The following KRAS variants were observed in gnomAD, a reference collection of about 807,000 sequenced individuals.
The protein encoded by KRAS is GTPase KRas.
KRAS carries 1 observed loss-of-function variant against 21.0 expected under a neutral mutation model. The observed-to-expected ratio is 0.05, with a 90% CI of 0.02 to 0.23. The LOEUF (loss-of-function observed/expected upper bound fraction) is 0.23. Ranked by LOEUF, KRAS falls within the 10% of genes least tolerant of loss-of-function variation. The pLI, the probability that KRAS is intolerant of heterozygous loss-of-function variation, is 1.00. For synonymous variants in KRAS, 67 were observed against 72.5 expected, an observed-to-expected ratio of 0.92 and a Z score of 0.39; for missense variants, 107 against 221.8, an observed-to-expected ratio of 0.48 and a Z score of 3.29.
At chr12:25,219,763 C>T (rs1332196678) in intron 4 of KRAS, among the ~76,000 whole-genome samples, 1 of 152,120 alleles carries the variant, frequency 6.6e-6, no homozygotes, top group Non-Finnish European at 1.5e-5. Context: ...TGGTGCACAG[C>T]AAGTGCACAG....
At chr12:25,231,882 T>C (rs776466516) in intron 2 of KRAS, among the ~76,000 whole-genome samples, 9 of 152,118 alleles carry the variant, frequency 5.9e-5, no homozygotes, top group African/African-American at 9.7e-5. Flanking sequence ...AAAGAATGGA[T>C]AAATATAAAG....
At position 25,225,676 on chromosome 12, in the gene KRAS, C is replaced by T. The variant is rs1463850736; in HGVS notation, c.388G>A (p.Ala130Thr). 1.4e-5 allele frequency: 22 copies of T among 1,613,098 alleles called. No homozygotes were observed. Among genetic ancestry groups the T allele is most frequent in the Non-Finnish European group, 1.9e-5 (22 of 1,179,550 alleles). The change falls in exon 4 of 5, where the codon GCT (alanine) becomes ACT (threonine). Residue 130 changes from alanine (A) to threonine (T), a missense_variant. This residue lies in a region of KRAS where 65 missense variants were observed against 82.3 expected (regional missense o/e 0.79). Transcript: ENST00000311936. ...CCATAACTTCTTGCTAAGTCCTGAGCCTGTTTTGTGTCTACTGTTCTAGAA... is the reference window on the plus strand; with the variant it reads ...CCATAACTTCTTGCTAAGTCCTGAGTCTGTTTTGTGTCTACTGTTCTAGAA... ...LPSRTVDTKQ[A>T]QDLARSYGIP...
chr12:25,208,998 A>T lies in KRAS; in HGVS notation c.*797T>A. On this transcript the variant is annotated 3_prime_UTR_variant, in exon 5 of 5. Transcript: ENST00000311936. ...TTTTTATACTTGTTAAAATCTTTTC[A>T]ATTATTATAAAAATTTAGTAGCATG... 1 of 353,410 alleles carries T rather than the reference A, an allele frequency of 2.8e-6. No individual in the cohort carries two copies. The highest frequency in any genetic ancestry group is 4.1e-5 in the East Asian group (1 of 24,616). The allele number at this position is 353,410 out of a possible 1,614,324, so 21.9% of individuals were successfully genotyped here. A position where few individuals can be genotyped will look rare whatever the true frequency, so the allele number is the denominator to read the frequency against.
Position 25,209,921 on chromosome 12 carries a change from A to G in KRAS, c.451-10T>C, listed in dbSNP as rs876657481. On this transcript the variant is annotated splice_polypyrimidine_tract_variant and intron_variant, in intron 4 of 4. Coordinates refer to ENST00000311936, the MANE Select transcript of KRAS (RefSeq NM_004985.5). ...AGGCATCATCAACACCCTGAAATAC[A>G]TAAAAAGTATTAAAATGTGAATATA... 1 of 1,595,934 alleles carries G rather than the reference A, an allele frequency of 6.3e-7. No homozygotes were observed. The highest frequency in any genetic ancestry group is 8.6e-7 in the Non-Finnish European group (1 of 1,167,432).
rs71065929 is a variant in KRAS, at chr12:25,249,591, C to CAAAAA, written c.-12+1155_-12+1159dup. Among the ~76,000 whole-genome samples the CAAAAA allele has an allele frequency of 1.8e-4, 11 of 60,830 alleles. 1 individual carries two copies. The highest frequency in any genetic ancestry group is 8.2e-4 in the South Asian group (1 of 1,214). 39.9% of individuals were successfully genotyped at this position (60,830 alleles called of 152,430 possible). A position where few individuals can be genotyped will look rare whatever the true frequency, so the allele number is the denominator to read the frequency against. On this transcript the variant is annotated intron_variant, in intron 1 of 4. Coordinates refer to ENST00000311936, the MANE Select transcript of KRAS (RefSeq NM_004985.5). ...TGGGCAACAGAGCGAGACTGTGTCT[C>CAAAAA]AAAAAAAAAAAAAAAAAGGAGATGC...
intron 4 of KRAS, among the ~76,000 whole-genome samples, chr12:25,216,248 G>A (rs932433242): frequency 2.6e-5 from 4 of 152,122 alleles, no homozygotes; most frequent in African/African-American, 9.7e-5. Context: ...ACACAAAATA[G>A]GAGCATTTTG....
intron 2 of KRAS, chr12:25,233,999 C>CA (rs1219940151): frequency 1.0e-5 from 2 of 193,456 alleles, no homozygotes; most frequent in Non-Finnish European, 2.2e-5. Flanking sequence ...TTCAATGTAA[C>CA]AGTGTGCAAA....
chr12:25,248,342 C>A (rs1016991041), intron 1 of KRAS, among the ~76,000 whole-genome samples: 6 of 147,144 alleles, frequency 4.1e-5, no homozygotes, highest in Admixed American at 2.0e-4. Flanking sequence ...CCCGGCTACT[C>A]GGGAAGCTGA....
At position 25,209,101 on chromosome 12, in the gene KRAS, A is replaced by AG; in HGVS notation, c.*693dup. 1 of 474,210 alleles carries AG rather than the reference A, an allele frequency of 2.1e-6. No homozygotes were observed. The allele number at this position is 474,210 out of a possible 1,614,324, so 29.4% of individuals were successfully genotyped here. A position where few individuals can be genotyped will look rare whatever the true frequency, so the allele number is the denominator to read the frequency against. ...TGCCTTAACAGGAAAAGCTATTAGG[A>AG]GTCTTTATAGTAATTTATCTAATGT... On this transcript the variant is annotated 3_prime_UTR_variant, in exon 5 of 5. Coordinates refer to ENST00000311936, the MANE Select transcript of KRAS (RefSeq NM_004985.5).
chr12:25,210,789 A>G (rs1951193116), intron 4 of KRAS: 1 of 152,188 alleles, frequency 6.6e-6, no homozygotes, highest in African/African-American at 2.4e-5. Flanking sequence ...TGATTAAAGC[A>G]AGGTTATTTA....
At position 25,242,575 on chromosome 12, in the gene KRAS, G is replaced by A. The variant is rs1951624274; in HGVS notation, c.111+2699C>T. Among the ~76,000 whole-genome samples the A allele has an allele frequency of 3.3e-5, 5 of 152,114 alleles. 1 individual carries two copies. In the South Asian group the frequency reaches 1.0e-3, roughly 31 times the overall value. On this transcript the variant is annotated intron_variant, in intron 2 of 4. Coordinates refer to ENST00000311936, the MANE Select transcript of KRAS (RefSeq NM_004985.5). ...TAACAATATATACTTCACAATACAA[G>A]TAAAGGTGATTATGTGCACAGCCTC...
At chr12:25,237,850 G>C (rs538216188) in intron 2 of KRAS, among the ~76,000 whole-genome samples, 1 of 152,270 alleles carries the variant, frequency 6.6e-6, no homozygotes, top group Non-Finnish European at 1.5e-5. Context: ...TGGCTACTGA[G>C]AACTGTTCAG....
At chr12:25,215,638 G>T (rs1951247081) in intron 4 of KRAS, 3 of 1,196,936 alleles carry the variant, frequency 2.5e-6, no homozygotes, top group Non-Finnish European at 3.7e-6. Context: ...TGTGCAAGAA[G>T]TTTGAGATTA....
At chr12:25,214,568 T>C (rs900995094) in intron 4 of KRAS, among the ~76,000 whole-genome samples, 1 of 152,110 alleles carries the variant, frequency 6.6e-6, no homozygotes, top group Admixed American at 6.5e-5. Context: ...TTTGTATTTT[T>C]AGTAGAAATA....
Position 25,247,491 on chromosome 12 carries a change from A to G in KRAS, c.-11-2096T>C, listed in dbSNP as rs568133159. 5.9e-5 allele frequency among the ~76,000 whole-genome samples: 9 copies of G among 152,262 alleles called. No homozygotes were observed. The East Asian group carries it at 1.7e-3, about 29-fold the overall frequency. On this transcript the variant is annotated intron_variant, in intron 1 of 4. Coordinates refer to ENST00000311936, the MANE Select transcript of KRAS (RefSeq NM_004985.5). ...CATGTATCTTATCCCGTTTGCCTCCACGCTTTATTTCAAATGTAGGCCAAA... is the reference window on the plus strand; with the variant it reads ...CATGTATCTTATCCCGTTTGCCTCCGCGCTTTATTTCAAATGTAGGCCAAA...
intron 2 of KRAS, among the ~76,000 whole-genome samples, chr12:25,233,496 T>G (rs1032961233): frequency 1.6e-5 from 2 of 122,578 alleles, no homozygotes; most frequent in Admixed American, 1.5e-4. Flanking sequence ...AGAAAATGAA[T>G]GAATGAATGA....
chr12:25,215,091 T>TACAA (rs1951239102), intron 4 of KRAS: 1 of 86,642 alleles, frequency 1.2e-5, no homozygotes, highest in African/African-American at 5.1e-5. Context: ...TTCTCCCTAC[T>TACAA]AAAAAAAAAA....
intron 4 of KRAS, among the ~76,000 whole-genome samples, chr12:25,213,379 C>A (rs1249749472): frequency 6.6e-6 from 1 of 152,118 alleles, no homozygotes; most frequent in Non-Finnish European, 1.5e-5. Context: ...AAACCACCAC[C>A]TAAATCTGGT....
chr12:25,208,613 G>A lies in KRAS; in HGVS notation c.*1182C>T, dbSNP rs1001120008. The A allele has an allele frequency of 4.3e-6, 1 of 233,036 alleles. No individual in the cohort carries two copies. The highest frequency in any genetic ancestry group is 8.5e-6 in the Non-Finnish European group (1 of 117,686). The allele number at this position is 233,036 out of a possible 1,614,324, so 14.4% of individuals were successfully genotyped here. A position where few individuals can be genotyped will look rare whatever the true frequency, so the allele number is the denominator to read the frequency against. The stretch of plus-strand genomic sequence containing the variant: ...GAGTTTGTTTTCTTAAGAAACAAAA[G>A]CAATGCTCTTGATTTGTCAGCAGGA... On this transcript the variant is annotated 3_prime_UTR_variant, in exon 5 of 5. Coordinates refer to ENST00000311936, the MANE Select transcript of KRAS (RefSeq NM_004985.5).
Sources: gnomAD v4.1 joint callset for allele counts (sites outside exome capture counted in the v4.1 genomes callset) on GRCh38, gnomAD v4.1.1 for gene constraint, gnomAD v4.1.1 regional missense constraint, MANE v1.5 for transcripts, NCBI Gene and HGNC (gene_info 2026-07-23, HGNC 2026-07-21) for gene names.